The following MLPH variants were observed in gnomAD, a reference collection of about 807,000 sequenced individuals.
MLPH encodes melanophilin.
In MLPH, 51 loss-of-function variants were observed where a neutral mutation model predicts 72.1. That is an observed-to-expected ratio of 0.71 (90% CI 0.56 to 0.89). The LOEUF is 0.89. Ranked by LOEUF, MLPH falls within the 40% of genes least tolerant of loss-of-function variation. The pLI is 0.00. For synonymous variants in MLPH, 301 were observed against 310.1 expected (o/e 0.97, Z 0.31); for missense variants, 743 against 759.9 (o/e 0.98, Z 0.26).
rs999649824 is a variant in MLPH at position 237,512,897 on chromosome 2, G to C, written c.445+1796G>C. Among the ~76,000 whole-genome samples, 1 of 151,988 alleles carries C rather than the reference G, an allele frequency of 6.6e-6. No individual in the cohort carries two copies. The highest frequency in any genetic ancestry group is 1.5e-5 in the Non-Finnish European group (1 of 68,010). On this transcript the variant is annotated intron_variant, in intron 4 of 15. Coordinates refer to ENST00000264605, the MANE Select transcript of MLPH (RefSeq NM_024101.7). This position sits in a 1 kb window ranked among gnomAD's most constrained non-coding sequence, Gnocchi z 5.5. ...TTCACACGGCCCACCAGAACCTGCT[G>C]ACTTCAAAATCATCACCACCAAGGG...
chr2:237,497,228 A>G (rs6711160), intron 2 of MLPH, among the ~76,000 whole-genome samples: 21,411 of 151,908 alleles, frequency 0.14, 1,906 homozygotes, highest in East Asian at 0.24. Flanking sequence ...CCTGCCAATC[A>G]CCTCCTGCCG....
chr2:237,534,628 T>C lies in MLPH; in HGVS notation c.1085T>C (p.Val362Ala), dbSNP rs1481924896. 6.2e-7 allele frequency: 1 copy of C among 1,613,790 alleles called. No individual in the cohort carries two copies. The highest frequency in any genetic ancestry group is 8.5e-7 in the Non-Finnish European group (1 of 1,179,886). ...ECLLTYLENTVVPPLAKGLGA... is the reference protein window; with the variant it reads ...ECLLTYLENTAVPPLAKGLGA... ...CTGCTGACCTACCTGGAGAACACAG[T>C]TGTGCCTCCCTTGGCCAAGGTAACA... Residue 362 changes from valine to alanine, a missense_variant, in exon 9 of 16, where the codon GTT (valine) becomes GCT (alanine). Val to Ala is a moderately conservative substitution (Grantham distance 64). Transcript: ENST00000264605.
intron 9 of MLPH, among the ~76,000 whole-genome samples, chr2:237,539,150 G>A (rs571777818): frequency 2.0e-5 from 3 of 152,168 alleles, no homozygotes; most frequent in Non-Finnish European, 2.9e-5. Flanking sequence ...ATGGGGGGGC[G>A]GGGAGGCTTG....
chr2:237,532,107 G>C (rs545988133), intron 8 of MLPH, among the ~76,000 whole-genome samples: 1 of 152,324 alleles, frequency 6.6e-6, no homozygotes, highest in African/African-American at 2.4e-5. Flanking sequence ...CTGTACTTCA[G>C]AGAAAACCCA....
At chr2:237,514,750 C>G (rs1439836870) in intron 4 of MLPH, among the ~76,000 whole-genome samples, 1 of 152,212 alleles carries the variant, frequency 6.6e-6, no homozygotes, top group Non-Finnish European at 1.5e-5. Flanking sequence ...CTTTAAAACC[C>G]TTGACAGCTT....
chr2:237,494,850 G>A (rs2079503865), intron 2 of MLPH, among the ~76,000 whole-genome samples: 1 of 152,236 alleles, frequency 6.6e-6, no homozygotes, highest in Non-Finnish European at 1.5e-5. Context: ...TGAAACGGAT[G>A]AAAGGTATTT....
Position 237,511,050 on chromosome 2 carries a change from T to A in MLPH, c.394T>A (p.Phe132Ile), listed in dbSNP as rs751237700. 4 of 1,613,904 alleles carry A rather than the reference T, an allele frequency of 2.5e-6. No individual in the cohort carries two copies. Among genetic ancestry groups the A allele is most frequent in the Non-Finnish European group, 3.4e-6 (4 of 1,179,964 alleles). The change falls in exon 4 of 16, where the codon TTC becomes ATC. Residue 132 changes from phenylalanine (F) to isoleucine (I), a missense_variant. Physicochemically the swap from Phe to Ile is conservative, Grantham distance 21 (BLOSUM62 0). Coordinates refer to ENST00000264605, the MANE Select transcript of MLPH (RefSeq NM_024101.7). ...YEHVKARFKR[F>I]GSAKVIRSLH... is the part of the protein sequence containing the mutation. Reference sequence around the variant, plus strand: ...GCATGTGAAAGCCCGCTTCAAGAGGTTCGGAAGTGCCAAGGTCATCCGGTC... The same window carrying A: ...GCATGTGAAAGCCCGCTTCAAGAGGATCGGAAGTGCCAAGGTCATCCGGTC...
At chr2:237,533,021 T>A (rs1276602348) in intron 8 of MLPH, among the ~76,000 whole-genome samples, 1 of 152,154 alleles carries the variant, frequency 6.6e-6, no homozygotes, top group Non-Finnish European at 1.5e-5. Flanking sequence ...TCCTTACCAA[T>A]GAGAGGAGCT....
intron 2 of MLPH, among the ~76,000 whole-genome samples, chr2:237,493,919 C>G (rs71424972): frequency 5.3e-5 from 8 of 152,290 alleles, no homozygotes; most frequent in African/African-American, 9.6e-5. Flanking sequence ...GGCTGCCCTT[C>G]CACCTCTCTT....
intron 9 of MLPH, among the ~76,000 whole-genome samples, chr2:237,535,165 C>A (rs543895927): frequency 2.0e-5 from 3 of 152,186 alleles, no homozygotes; most frequent in African/African-American, 7.2e-5. Context: ...CTGGTGAGGG[C>A]CTTCTTGCTG....
Position 237,505,923 on chromosome 2 carries a change from A to T in MLPH, c.111-4651A>T, listed in dbSNP as rs959520744. 2.0e-5 allele frequency among the ~76,000 whole-genome samples: 3 copies of T among 152,106 alleles called. No homozygotes were observed. Among genetic ancestry groups the T allele is most frequent in the Non-Finnish European group, 4.4e-5 (3 of 68,010 alleles). On this transcript the variant is annotated intron_variant, in intron 2 of 15. Coordinates refer to ENST00000264605, the MANE Select transcript of MLPH (RefSeq NM_024101.7). The surrounding 1 kb of genome is among the most constrained non-coding windows in gnomAD (Gnocchi z 4.5). ...CCCCTGCCCCAAGGACAAGGACAGCACTTCCCTTCCACCCCCATGCATCCC... is the reference window on the plus strand; with the variant it reads ...CCCCTGCCCCAAGGACAAGGACAGCTCTTCCCTTCCACCCCCATGCATCCC...
intron 14 of MLPH, among the ~76,000 whole-genome samples, chr2:237,550,705 A>T (rs1479742879): frequency 1.3e-5 from 2 of 152,092 alleles, no homozygotes; most frequent in African/African-American, 4.8e-5. Flanking sequence ...GCCTGCCACC[A>T]TGCTAGGCTA....
At position 237,553,910 on chromosome 2, in the gene MLPH, G is replaced by C. The variant is rs528419245; in HGVS notation, c.*318G>C. 2.0e-6 allele frequency: 1 copy of C among 505,510 alleles called. No homozygotes were observed. The highest frequency in any genetic ancestry group is 3.7e-5 in the East Asian group (1 of 26,932). The allele number at this position is 505,510 out of a possible 1,614,324, so 31.3% of individuals were successfully genotyped here. ...AGGACACACCGAAGACCTTTATACT[G>C]TGATCTTTTACCCCTTTCACTCTTG... On this transcript the variant is annotated 3_prime_UTR_variant, in exon 16 of 16. Transcript: ENST00000264605.
chr2:237,535,146 G>A (rs1290863816), intron 9 of MLPH, among the ~76,000 whole-genome samples: 1 of 152,144 alleles, frequency 6.6e-6, no homozygotes, highest in Non-Finnish European at 1.5e-5. Context: ...TAGGACCAAG[G>A]GGTGGCATCT....
At chr2:237,491,736 CA>C (rs1215650784) in intron 1 of MLPH, among the ~76,000 whole-genome samples, 1 of 152,132 alleles carries the variant, frequency 6.6e-6, no homozygotes, top group East Asian at 1.9e-4. Context: ...ATTGTTCCTC[CA>C]ATTTTATACC....
intron 2 of MLPH, among the ~76,000 whole-genome samples, chr2:237,506,961 C>T (rs2079785872): frequency 6.6e-6 from 1 of 151,120 alleles, no homozygotes; most frequent in African/African-American, 2.4e-5. Context: ...AAAAGGAGTA[C>T]TTGAATAGCC....
chr2:237,488,729 A>G (rs6754003), intron 1 of MLPH, among the ~76,000 whole-genome samples: 13,366 of 152,190 alleles, frequency 0.088, 1,794 homozygotes, highest in African/African-American at 0.29. Flanking sequence ...ACTCAGAAAA[A>G]AATTAAAACA....
At position 237,494,096 on chromosome 2, in the gene MLPH, G is replaced by T. The variant is rs879112319; in HGVS notation, c.110+560G>T. Among the ~76,000 whole-genome samples the T allele has an allele frequency of 1.1e-4, 16 of 152,234 alleles. No individual in the cohort carries two copies. In the East Asian group the frequency reaches 2.3e-3, roughly 22 times the overall value. On this transcript the variant is annotated intron_variant, in intron 2 of 15. Coordinates refer to ENST00000264605, the MANE Select transcript of MLPH (RefSeq NM_024101.7). The stretch of plus-strand genomic sequence containing the variant: ...CTGGGCCCCCTTATCCTTTCTTGAT[G>T]TCTTTAGTAGATTGGGTCACCCTAT...
chr2:237,491,170 G>A (rs2079421972), intron 1 of MLPH, among the ~76,000 whole-genome samples: 1 of 152,192 alleles, frequency 6.6e-6, no homozygotes, highest in South Asian at 2.1e-4. Flanking sequence ...CTTCCAAATG[G>A]TCAGCAGCAC....
Sources: allele counts gnomAD v4.1 joint callset (sites outside exome capture counted in the v4.1 genomes callset), GRCh38; gene constraint gnomAD v4.1.1; non-coding constraint Gnocchi (gnomAD v3.1); transcripts MANE v1.5; gene names NCBI Gene and HGNC (gene_info 2026-07-23, HGNC 2026-07-21).